Variants in RPS6KC1 observed in about 807,000 individuals in gnomAD.
RPS6KC1 encodes the protein inactive ribosomal protein S6 kinase delta-1.
RPS6KC1 carries 54 observed loss-of-function variants against 103.8 expected under a neutral mutation model. That is an observed-to-expected ratio of 0.52 (90% CI 0.42 to 0.65). The LOEUF (loss-of-function observed/expected upper bound fraction) is 0.65, where lower values mean the gene tolerates loss of function less well. RPS6KC1 is among the 30% of genes least tolerant of loss of function. The pLI, the probability that RPS6KC1 is intolerant of heterozygous loss-of-function variation, is 0.00. For missense variants in RPS6KC1, 1,151 were observed against 1,253.8 expected, an observed-to-expected ratio of 0.92 and a Z score of 1.24; for synonymous variants, 439 against 438.7, an observed-to-expected ratio of 1.00 and a Z score of -0.01.
chr1:213,314,868 A>G, the RPS6KC1 span, among the ~76,000 whole-genome samples: 97 of 152,284 alleles, frequency 6.4e-4, no homozygotes, highest in African/African-American at 2.2e-3. Context: ...AGATACTCCA[A>G]TTCAGTCGAG....
At chr1:213,213,931 C>G (rs2093586527) in intron 8 of RPS6KC1, among the ~76,000 whole-genome samples, 2 of 152,226 alleles carry the variant, frequency 1.3e-5, no homozygotes, top group African/African-American at 2.4e-5. Context: ...CAGCTCCAGT[C>G]TACAGCTCCC....
At chr1:213,839,353 T>A in the RPS6KC1 span, among the ~76,000 whole-genome samples, 4 of 152,310 alleles carry the variant, frequency 2.6e-5, no homozygotes, top group African/African-American at 7.2e-5. Flanking sequence ...ATCCTGGCCC[T>A]GGGGCAAGGC....
chr1:213,170,018 G>T (rs1471615768), intron 7 of RPS6KC1, among the ~76,000 whole-genome samples: 1 of 152,116 alleles, frequency 6.6e-6, no homozygotes, highest in East Asian at 1.9e-4. Context: ...CTGACCTCAG[G>T]TGATCCACCC....
At chr1:213,639,458 C>A in the RPS6KC1 span, among the ~76,000 whole-genome samples, 816 of 152,090 alleles carry the variant, frequency 5.4e-3, 5 homozygotes, top group Non-Finnish European at 9.8e-3. Context: ...CTTTTGGTGG[C>A]AAGGGCTGGG....
intron 14 of RPS6KC1, among the ~76,000 whole-genome samples, chr1:213,266,535 T>C (rs987154004): frequency 1.4e-4 from 22 of 152,288 alleles, no homozygotes; most frequent in Non-Finnish European, 2.6e-4. Context: ...TAGACAGATT[T>C]GGTAAAAAAC....
the RPS6KC1 span, among the ~76,000 whole-genome samples, chr1:213,391,718 C>T: frequency 6.6e-6 from 1 of 152,154 alleles, no homozygotes; most frequent in African/African-American, 2.4e-5. Context: ...TAATTTCACC[C>T]TAGGGATTAA....
chr1:213,185,547 C>T (rs989157656), intron 8 of RPS6KC1, among the ~76,000 whole-genome samples: 1 of 152,044 alleles, frequency 6.6e-6, no homozygotes, highest in Non-Finnish European at 1.5e-5. Context: ...ACGTGGGAGG[C>T]CGAGGCAGGA....
At chr1:213,179,766 T>A (rs1344938896) in intron 8 of RPS6KC1, among the ~76,000 whole-genome samples, 2 of 152,242 alleles carry the variant, frequency 1.3e-5, no homozygotes, top group East Asian at 3.8e-4. Context: ...GCAGATTTTT[T>A]ATTAATATCT....
At chr1:213,158,955 T>C (rs999333430) in intron 6 of RPS6KC1, among the ~76,000 whole-genome samples, 3 of 152,160 alleles carry the variant, frequency 2.0e-5, no homozygotes, top group South Asian at 4.1e-4. Flanking sequence ...CTATTACTTA[T>C]TATATAATAG....
At chr1:213,368,615 C>T in the RPS6KC1 span, among the ~76,000 whole-genome samples, 1 of 152,090 alleles carries the variant, frequency 6.6e-6, no homozygotes, top group African/African-American at 2.4e-5. Flanking sequence ...TGAATTGTTG[C>T]CTATTGTAAC....
Position 213,224,391 on chromosome 1 carries a change from A to T in RPS6KC1, c.1045-6106A>T, listed in dbSNP as rs193130024. Among the ~76,000 whole-genome samples, 1,140 of 152,242 alleles carry T rather than the reference A, an allele frequency of 7.5e-3. 6 individuals carry two copies. Among genetic ancestry groups the T allele is most frequent in the Middle Eastern group, 0.014 (4 of 294 alleles). ...TTTTCTTTTTTTTCCCCCAGTTAGG[A>T]GCAGTTATTTCATGTATTAGTATGG... On this transcript the variant is annotated intron_variant, in intron 8 of 14. Coordinates refer to ENST00000366960, the MANE Select transcript of RPS6KC1 (RefSeq NM_012424.6).
At chr1:213,151,729 G>A (rs1314281153) in intron 6 of RPS6KC1, among the ~76,000 whole-genome samples, 9 of 124,798 alleles carry the variant, frequency 7.2e-5, no homozygotes, top group Middle Eastern at 5.4e-3. Flanking sequence ...GCGGGGGGCT[G>A]ACCCCCCCAC....
the RPS6KC1 span, among the ~76,000 whole-genome samples, chr1:213,443,337 T>G: frequency 6.6e-6 from 1 of 152,330 alleles, no homozygotes. Context: ...ATCTAAAAAT[T>G]TGTTATAGTC....
the RPS6KC1 span, among the ~76,000 whole-genome samples, chr1:213,668,903 T>A: frequency 9.9e-5 from 15 of 152,240 alleles, no homozygotes; most frequent in Non-Finnish European, 2.9e-5. Flanking sequence ...GGCTTCTAAC[T>A]TTTCTTCTGC....
chr1:213,384,735 G>A, the RPS6KC1 span, among the ~76,000 whole-genome samples: 5 of 152,190 alleles, frequency 3.3e-5, no homozygotes, highest in African/African-American at 9.7e-5. Flanking sequence ...TTCAAATGAG[G>A]AGAGCTGACA....
chr1:213,116,253 T>A (rs866890656), intron 4 of RPS6KC1, among the ~76,000 whole-genome samples: 1 of 151,836 alleles, frequency 6.6e-6, no homozygotes, highest in South Asian at 2.1e-4. Context: ...TGGGTGCATA[T>A]ATATTTAGGA....
chr1:213,096,221 A>G (rs2148700652), intron 3 of RPS6KC1, among the ~76,000 whole-genome samples: 1 of 152,350 alleles, frequency 6.6e-6, no homozygotes, highest in Non-Finnish European at 1.5e-5. Context: ...CATAAGAAGC[A>G]ACTCTTTGTT....
the RPS6KC1 span, among the ~76,000 whole-genome samples, chr1:213,788,239 G>A: frequency 6.6e-6 from 1 of 152,184 alleles, no homozygotes; most frequent in African/African-American, 2.4e-5. Flanking sequence ...CAGCCTAGGG[G>A]ATGTGCTTGC....
chr1:213,183,046 A>T (rs1302549966), intron 8 of RPS6KC1, among the ~76,000 whole-genome samples: 1 of 151,818 alleles, frequency 6.6e-6, no homozygotes, highest in Non-Finnish European at 1.5e-5. Flanking sequence ...AAGATAAAAT[A>T]TGCTTCATAC....
Sources: gnomAD v4.1 joint callset for allele counts (sites outside exome capture counted in the v4.1 genomes callset) on GRCh38, gnomAD v4.1.1 for gene constraint, MANE v1.5 for transcripts, NCBI Gene and HGNC (gene_info 2026-07-23, HGNC 2026-07-21) for gene names.